The following TTC34 variants were observed in gnomAD, a reference collection of about 807,000 sequenced individuals.
TTC34 encodes tetratricopeptide repeat domain 34.
In TTC34, 44 loss-of-function variants were observed where a neutral mutation model predicts 40.7. The observed-to-expected ratio is 1.08, with a 90% CI of 0.85 to 1.39. The LOEUF (loss-of-function observed/expected upper bound fraction) is 1.39, where lower values mean the gene tolerates loss of function less well. Ranked by LOEUF, TTC34 falls within the 40% of genes most tolerant of loss-of-function variation. TTC34 has a pLI of 0.00. For synonymous variants in TTC34, 422 were observed against 398.6 expected (o/e 1.06, Z -0.70); for missense variants, 884 against 838.0 (o/e 1.05, Z -0.68).
intron 1 of TTC34, among the ~76,000 whole-genome samples, chr1:2,801,320 C>T (rs1241689615): frequency 6.6e-6 from 1 of 152,064 alleles, no homozygotes; most frequent in Non-Finnish European, 1.5e-5. Context: ...CACACCCCTG[C>T]CCACCCTCTC....
chr1:2,641,537 G>C (rs1557577411), exon 9 of TTC34: 1 of 1,534,570 alleles, frequency 6.5e-7, no homozygotes. Context: ...CATGCGTGCA[G>C]TGGGGGCCCG....
rs1641361718 is a variant in TTC34 at position 2,752,614 on chromosome 1, C to A, written c.2226+30995G>T. On this transcript the variant is annotated intron_variant, in intron 6 of 8. Coordinates refer to ENST00000401095, the Ensembl canonical transcript of TTC34. ...GACAACCTGGAACAGGACAAACACC[C>A]CCAGGCGAGCATCTGACACCCTGGA... Among the ~76,000 whole-genome samples the A allele has an allele frequency of 1.7e-5, 2 of 118,572 alleles. 1 individual carries two copies. The highest frequency in any genetic ancestry group is 1.7e-4 in the Admixed American group (2 of 11,662). 77.8% of individuals were successfully genotyped at this position (118,572 alleles called of 152,430 possible). A position where few individuals can be genotyped will look rare whatever the true frequency, so the allele number is the denominator to read the frequency against.
chr1:2,638,279 G>C (rs781646470), exon 9 of TTC34: 1 of 152,194 alleles, frequency 6.6e-6, no homozygotes, highest in African/African-American at 2.4e-5. Flanking sequence ...CCTGGGAACC[G>C]TGTGGGAATG....
intron 6 of TTC34, among the ~76,000 whole-genome samples, chr1:2,750,166 C>A (rs1641268310): frequency 4.3e-4 from 61 of 143,132 alleles, no homozygotes; most frequent in Admixed American, 9.7e-4. Context: ...ACAAACACCC[C>A]CAGGCGAGCA....
At position 2,776,430 on chromosome 1, in the gene TTC34, G is replaced by C. The variant is rs1298438447; in HGVS notation, c.2226+7179C>G. On this transcript the variant is annotated intron_variant, in intron 6 of 8. Coordinates refer to ENST00000401095, the Ensembl canonical transcript of TTC34. The stretch of plus-strand genomic sequence containing the variant: ...CCCCAGGTAAGATTCCAACAGCATG[G>C]AACAAGACCACTGCCCCCAGGTGAG... 1.5e-4 allele frequency: 19 copies of C among 122,952 alleles called. 1 individual carries two copies. Among genetic ancestry groups the C allele is most frequent in the Non-Finnish European group, 2.1e-4 (13 of 61,922 alleles). 7.6% of individuals were successfully genotyped at this position (122,952 alleles called of 1,614,324 possible).
At chr1:2,775,273 A>T (rs61766519) in intron 6 of TTC34, 13,053 of 132,082 alleles carry the variant, frequency 0.099, 3 homozygotes, top group South Asian at 0.14. Context: ...CCTCACATCC[A>T]GGTGAGCATC....
At chr1:2,767,672 C>T (rs1428155995) in intron 6 of TTC34, among the ~76,000 whole-genome samples, 2 of 119,520 alleles carry the variant, frequency 1.7e-5, no homozygotes, top group Non-Finnish European at 1.7e-5. Context: ...CAGCGTGGAA[C>T]AGAATTCTCC....
At chr1:2,693,828 C>A (rs796961231) in intron 6 of TTC34, among the ~76,000 whole-genome samples, 355 of 85,234 alleles carry the variant, frequency 4.2e-3, no homozygotes, top group Middle Eastern at 6.6e-3. Context: ...CACCCACACC[C>A]ACAGGTGAGC....
chr1:2,685,147 C>G (rs113661099), intron 6 of TTC34, among the ~76,000 whole-genome samples: 5 of 139,982 alleles, frequency 3.6e-5, no homozygotes, highest in East Asian at 2.1e-4. Flanking sequence ...CGGCCTGGAA[C>G]AGCACCCACA....
At chr1:2,768,454 C>G (rs1254862270) in intron 6 of TTC34, among the ~76,000 whole-genome samples, 4 of 151,036 alleles carry the variant, frequency 2.6e-5, no homozygotes, top group Admixed American at 6.6e-5. Context: ...AACAGAACCC[C>G]ACAACTTCAA....
At chr1:2,687,297 A>C (rs1322952218) in intron 6 of TTC34, among the ~76,000 whole-genome samples, 8 of 121,046 alleles carry the variant, frequency 6.6e-5, no homozygotes, top group Non-Finnish European at 1.1e-4. Flanking sequence ...ACAGGTGAGC[A>C]TCTGACATCG....
At chr1:2,779,943 G>A (rs985908473) in intron 6 of TTC34, among the ~76,000 whole-genome samples, 2 of 152,088 alleles carry the variant, frequency 1.3e-5, no homozygotes, top group Middle Eastern at 3.4e-3. Flanking sequence ...GTGAAACCTC[G>A]TCTCTATAAA....
chr1:2,774,262 AC>A (rs1232018300), intron 6 of TTC34: 3 of 111,738 alleles, frequency 2.7e-5, no homozygotes, highest in Non-Finnish European at 5.7e-5. Context: ...CAGCACCCTC[AC>A]CCCGAGGTGG....
At chr1:2,646,603 A>G (rs1272165283) in intron 6 of TTC34, among the ~76,000 whole-genome samples, 1 of 152,178 alleles carries the variant, frequency 6.6e-6, no homozygotes, top group Non-Finnish European at 1.5e-5. Context: ...CCAGGCTGGT[A>G]TGGAACTTCT....
chr1:2,656,345 A>T (rs1570763522), intron 6 of TTC34, among the ~76,000 whole-genome samples: 1 of 147,858 alleles, frequency 6.8e-6, no homozygotes, highest in African/African-American at 2.5e-5. Flanking sequence ...CCCCCAGGTG[A>T]GCATCTGACA....
intron 6 of TTC34, among the ~76,000 whole-genome samples, chr1:2,751,427 G>A (rs1286913219): frequency 6.2e-5 from 5 of 80,088 alleles, no homozygotes; most frequent in African/African-American, 2.4e-4. Context: ...GCATCTGACA[G>A]CCTGGAACAG....
At chr1:2,750,622 G>T (rs1641286382) in intron 6 of TTC34, among the ~76,000 whole-genome samples, 10 of 151,988 alleles carry the variant, frequency 6.6e-5, no homozygotes, top group Admixed American at 6.6e-4. Flanking sequence ...GTGAGCATCT[G>T]ACAGCCTGGA....
At chr1:2,769,709 C>A (rs527842803) in intron 6 of TTC34, among the ~76,000 whole-genome samples, 5 of 150,288 alleles carry the variant, frequency 3.3e-5, no homozygotes, top group Non-Finnish European at 5.9e-5. Context: ...GCAGCACCCA[C>A]ACCCCCAGGT....
intron 6 of TTC34, among the ~76,000 whole-genome samples, chr1:2,652,240 C>G (rs1360613031): frequency 6.7e-6 from 1 of 150,032 alleles, no homozygotes; most frequent in African/African-American, 2.5e-5. Context: ...GGAACAGCAC[C>G]CACACCCCCA....
Sources: allele counts gnomAD v4.1 joint callset (sites outside exome capture counted in the v4.1 genomes callset), GRCh38; gene constraint gnomAD v4.1.1; transcripts MANE v1.5; gene names NCBI Gene and HGNC (gene_info 2026-07-23, HGNC 2026-07-21).